IGF1R: variants seen among roughly 807,000 people sequenced by gnomAD.
The protein encoded by IGF1R is insulin like growth factor 1 receptor, also known as insulin-like growth factor 1 receptor.
In IGF1R, 44 loss-of-function variants were observed where a neutral mutation model predicts 144.6. The ratio of observed to expected loss-of-function variants is 0.30; its 90% CI spans 0.24 to 0.39. IGF1R has a LOEUF of 0.39. Ranked by LOEUF, IGF1R falls within the 10% of genes least tolerant of loss-of-function variation. The probability of loss-of-function intolerance (pLI) is 1.00; values close to 1 mark genes in which losing one functional copy is unlikely to be tolerated. For synonymous variants in IGF1R, 795 were observed against 722.8 expected (o/e 1.10, Z -1.60); for missense variants, 1,355 against 1,833.7 (o/e 0.74, Z 4.77).
chr15:98,753,398 T>TTGTA (rs2055069843), intron 2 of IGF1R, among the ~76,000 whole-genome samples: 1 of 140,368 alleles, frequency 7.1e-6, no homozygotes, highest in Non-Finnish European at 1.6e-5. Flanking sequence ...TTTTTTTTTT[T>TTGTA]TTTTTTGTAT....
chr15:98,720,016 T>C (rs1393694854), intron 2 of IGF1R, among the ~76,000 whole-genome samples: 1 of 152,238 alleles, frequency 6.6e-6, no homozygotes, highest in African/African-American at 2.4e-5. Flanking sequence ...TGGTTTATTA[T>C]GAGCTAGTTC....
chr15:98,935,388 C>A lies in IGF1R; in HGVS notation c.3259C>A (p.Leu1087Ile), dbSNP rs1372217590. 6.4e-7 allele frequency: 1 copy of A among 1,551,478 alleles called. No homozygotes were observed. Among genetic ancestry groups the A allele is most frequent in the African/African-American group, 1.4e-5 (1 of 73,146 alleles). Residue 1087 changes from leucine to isoleucine, a missense_variant, in exon 17 of 21, where the codon CTC becomes ATC. Leu to Ile is a conservative substitution (Grantham distance 5, BLOSUM62 2). Around this residue, in one of 7 missense-constraint regions of IGF1R, gnomAD observed 45 missense variants for 43.5 expected, o/e 1.03. Transcript: ENST00000650285. This position sits in a 1 kb window ranked among gnomAD's most constrained non-coding sequence, Gnocchi z 4.2. ...CATGGAACTGATGACACGGGGCGAT[C>A]TCAAAAGTTATCTCCGGTCTCTGAG... ...VIMELMTRGD[L>I]KSYLRSLRPE... is the part of the protein sequence containing the mutation.
At chr15:98,783,446 T>A (rs1275843344) in intron 2 of IGF1R, among the ~76,000 whole-genome samples, 1 of 152,250 alleles carries the variant, frequency 6.6e-6, no homozygotes, top group African/African-American at 2.4e-5. Context: ...TCAGCATAAT[T>A]CCTTATAGAT....
chr15:98,897,146 C>T, intron 4 of IGF1R: 4 of 529,030 alleles, frequency 7.6e-6, no homozygotes, highest in South Asian at 6.2e-5. Flanking sequence ...GGTCATCGCT[C>T]ATCTTTTTGT....
rs574256663 is a variant in IGF1R, at chr15:98,752,978, C to G, written c.640+44871C>G. On this transcript the variant is annotated intron_variant, in intron 2 of 20. Coordinates refer to ENST00000650285, the MANE Select transcript of IGF1R (RefSeq NM_000875.5). Reference sequence around the variant, plus strand: ...TGAGATGGAGTCTTGCTGTGTTGCCCAGGCTGGAGTGCAGTGACATGATCT... The same window carrying G: ...TGAGATGGAGTCTTGCTGTGTTGCCGAGGCTGGAGTGCAGTGACATGATCT... 2.4e-4 allele frequency among the ~76,000 whole-genome samples: 34 copies of G among 143,226 alleles called. No homozygotes were observed. The South Asian group carries it at 4.9e-3, about 21-fold the overall frequency. The allele number at this position is 143,226 out of a possible 152,430, so 94.0% of individuals were successfully genotyped here.
At chr15:98,844,475 C>T (rs960245280) in intron 2 of IGF1R, among the ~76,000 whole-genome samples, 12 of 152,098 alleles carry the variant, frequency 7.9e-5, no homozygotes, top group African/African-American at 2.7e-4. Context: ...GGGGGCGTGT[C>T]ATGCCATACA....
intron 2 of IGF1R, among the ~76,000 whole-genome samples, chr15:98,743,565 G>T (rs527856542): frequency 1.9e-4 from 29 of 152,328 alleles, no homozygotes; most frequent in African/African-American, 6.5e-4. Context: ...AGAAGGAAAA[G>T]AAATAATGTG....
rs550751373 is a variant in IGF1R at position 98,963,062 on chromosome 15, G to A, written c.*5620G>A. Reference sequence around the variant, plus strand: ...AGTAGATTACGGGTAGTCAGTTGACGAAGATCTGGTTTACAAGAACTAATT... The same window carrying A: ...AGTAGATTACGGGTAGTCAGTTGACAAAGATCTGGTTTACAAGAACTAATT... On this transcript the variant is annotated 3_prime_UTR_variant, in exon 21 of 21. Coordinates refer to ENST00000650285, the MANE Select transcript of IGF1R (RefSeq NM_000875.5). The A allele has an allele frequency of 7.7e-5, 18 of 233,628 alleles. No individual in the cohort carries two copies. In the South Asian group the frequency reaches 1.4e-3, roughly 19 times the overall value. The allele number at this position is 233,628 out of a possible 1,614,324, so 14.5% of individuals were successfully genotyped here.
At chr15:98,932,778 T>A (rs1278564481) in intron 15 of IGF1R, among the ~76,000 whole-genome samples, 1 of 152,092 alleles carries the variant, frequency 6.6e-6, no homozygotes, top group East Asian at 1.9e-4. Flanking sequence ...GAGGGCAGAG[T>A]TCCATTCGTG....
At chr15:98,791,949 A>G (rs1298669143) in intron 2 of IGF1R, among the ~76,000 whole-genome samples, 3 of 152,216 alleles carry the variant, frequency 2.0e-5, no homozygotes, top group Admixed American at 1.3e-4. Flanking sequence ...CCAGTACACA[A>G]TCTAGCTATA....
intron 2 of IGF1R, among the ~76,000 whole-genome samples, chr15:98,755,754 G>A (rs112512593): frequency 0.03 from 1,902 of 64,462 alleles, 63 homozygotes; most frequent in African/African-American, 0.14. Context: ...AAAAAAAAAA[G>A]GCATTACTGC....
At chr15:98,905,669 GAAA>G (rs869074593) in intron 5 of IGF1R, among the ~76,000 whole-genome samples, 2 of 125,394 alleles carry the variant, frequency 1.6e-5, no homozygotes, top group Non-Finnish European at 3.5e-5. Flanking sequence ...GTCTCAAGGG[GAAA>G]AAAAAAAAAA....
At chr15:98,661,746 C>T (rs965210922) in intron 1 of IGF1R, among the ~76,000 whole-genome samples, 1 of 152,204 alleles carries the variant, frequency 6.6e-6, no homozygotes, top group African/African-American at 2.4e-5. Context: ...ATTGGAATAA[C>T]ACTGCTCTAG....
At chr15:98,948,765 T>G in intron 20 of IGF1R, 57 bp downstream of exon 20, 1 of 1,586,960 alleles carries the variant, frequency 6.3e-7, no homozygotes, top group Non-Finnish European at 8.6e-7. Flanking sequence ...AATACCTGTT[T>G]TCTTGGGTCA....
intron 20 of IGF1R, among the ~76,000 whole-genome samples, chr15:98,953,671 G>A (rs1596488505): frequency 1.3e-5 from 2 of 152,322 alleles, no homozygotes; most frequent in South Asian, 2.1e-4. Flanking sequence ...AGCTCCACGT[G>A]TCCAGACTGT....
At chr15:98,931,873 T>C (rs1361132052) in intron 15 of IGF1R, among the ~76,000 whole-genome samples, 1 of 152,150 alleles carries the variant, frequency 6.6e-6, no homozygotes, top group Admixed American at 6.5e-5. Context: ...AGAAGATAGA[T>C]ATGCATTGTT....
In IGF1R at chr15:98,704,712, A is replaced by C. The variant is rs78265647; in HGVS notation, c.95-2850A>C. On this transcript the variant is annotated intron_variant, in intron 1 of 20. Transcript: ENST00000650285. This position sits in a 1 kb window ranked among gnomAD's most constrained non-coding sequence, Gnocchi z 4.9. ...TGGAGCTGCGGTGAGAGAGACCATG[A>C]AAAGAAGGGCCAGAGCGGTGTCCTG... is the stretch of plus-strand genomic sequence containing the variant. Among the ~76,000 whole-genome samples, 732 of 152,300 alleles carry C rather than the reference A, an allele frequency of 4.8e-3. 5 individuals are homozygous for C. The highest frequency in any genetic ancestry group is 0.017 in the African/African-American group (706 of 41,570).
At chr15:98,759,061 G>T (rs2055229023) in intron 2 of IGF1R, among the ~76,000 whole-genome samples, 1 of 152,170 alleles carries the variant, frequency 6.6e-6, no homozygotes, top group South Asian at 2.1e-4. Context: ...GTTTCTTAGA[G>T]TCCTCATCCT....
intron 10 of IGF1R, among the ~76,000 whole-genome samples, chr15:98,920,856 C>A (rs1596451855): frequency 6.6e-6 from 1 of 152,206 alleles, no homozygotes; most frequent in Admixed American, 6.5e-5. Context: ...GACTGGGGAG[C>A]CTCAGAGGCC....
Sources: gnomAD v4.1 joint callset for allele counts (sites outside exome capture counted in the v4.1 genomes callset) on GRCh38, gnomAD v4.1.1 for gene constraint, gnomAD v4.1.1 regional missense constraint, Gnocchi (gnomAD v3.1) non-coding constraint, MANE v1.5 for transcripts, NCBI Gene and HGNC (gene_info 2026-07-23, HGNC 2026-07-21) for gene names.